The following PTER variants were observed in gnomAD, a reference collection of about 807,000 sequenced individuals.
PTER encodes phosphotriesterase related, also known as N-acetyltaurine hydrolase.
Under a neutral mutation model 29.6 loss-of-function variants are expected in PTER, and 38 were observed. That is an observed-to-expected ratio of 1.28 (90% CI 0.99 to 1.68). The LOEUF is 1.68. PTER is among the 40% of genes most tolerant of loss of function. The probability of loss-of-function intolerance (pLI) is 0.00; values close to 1 mark genes in which losing one functional copy is unlikely to be tolerated. For missense variants in PTER, 482 were observed against 427.8 expected, an observed-to-expected ratio of 1.13 and a Z score of -1.12; for synonymous variants, 172 against 154.5, an observed-to-expected ratio of 1.11 and a Z score of -0.84.
chr10:16,480,954 G>C (rs1835459388), intron 1 of PTER, among the ~76,000 whole-genome samples: 2 of 152,346 alleles, frequency 1.3e-5, no homozygotes, highest in Admixed American at 1.3e-4. Flanking sequence ...GCTTTCAGCT[G>C]TGCTGGAGGA....
chr10:16,477,835 AAAGT>A (rs1422274130), intron 1 of PTER, among the ~76,000 whole-genome samples: 3 of 152,194 alleles, frequency 2.0e-5, no homozygotes, highest in Non-Finnish European at 4.4e-5. Flanking sequence ...CCAGGACTTA[AAAGT>A]AATACAAATT....
intron 1 of PTER, among the ~76,000 whole-genome samples, chr10:16,479,266 T>C (rs1835391023): frequency 6.6e-6 from 1 of 152,178 alleles, no homozygotes; most frequent in Non-Finnish European, 1.5e-5. Flanking sequence ...TCAGGCATGG[T>C]TACTGATTCT....
chr10:16,459,518 A>T (rs972802336), intron 1 of PTER, among the ~76,000 whole-genome samples: 7 of 151,776 alleles, frequency 4.6e-5, no homozygotes, highest in East Asian at 1.9e-4. Flanking sequence ...GATTATTTTT[A>T]AAAAACTAGG....
At chr10:16,506,659 C>T (rs1836580225) in intron 4 of PTER, among the ~76,000 whole-genome samples, 1 of 151,894 alleles carries the variant, frequency 6.6e-6, no homozygotes. Flanking sequence ...CATGACACAG[C>T]GATGGGGTGA....
At chr10:16,498,667 C>T (rs1004361780) in intron 3 of PTER, among the ~76,000 whole-genome samples, 1 of 152,188 alleles carries the variant, frequency 6.6e-6, no homozygotes, top group Non-Finnish European at 1.5e-5. Context: ...TTAGCACCTC[C>T]ACTCTTCTAA....
intron 1 of PTER, among the ~76,000 whole-genome samples, chr10:16,480,901 A>G (rs1326809146): frequency 6.6e-6 from 1 of 152,240 alleles, no homozygotes; most frequent in Non-Finnish European, 1.5e-5. Flanking sequence ...CATATTTTAA[A>G]CATGCGTATT....
chr10:16,477,196 G>T (rs1835300825), intron 1 of PTER, among the ~76,000 whole-genome samples: 1 of 152,098 alleles, frequency 6.6e-6, no homozygotes, highest in African/African-American at 2.4e-5. Flanking sequence ...GTGCCACCAT[G>T]CTGGGCCTAG....
chr10:16,442,911 G>C (rs1436727263), intron 1 of PTER, among the ~76,000 whole-genome samples: 1 of 152,142 alleles, frequency 6.6e-6, no homozygotes, highest in Non-Finnish European at 1.5e-5. Context: ...GGCGAAGGTT[G>C]CAGTGAGCCA....
intron 1 of PTER, among the ~76,000 whole-genome samples, chr10:16,463,146 T>C (rs1834682353): frequency 6.7e-6 from 1 of 148,984 alleles, no homozygotes; most frequent in Non-Finnish European, 1.5e-5. Context: ...TGAGCCAAGA[T>C]TGTTCCACTG....
intron 1 of PTER, among the ~76,000 whole-genome samples, chr10:16,459,723 GTTATTTAT>G (rs749526667): frequency 0.016 from 2,412 of 150,978 alleles, 73 homozygotes; most frequent in African/African-American, 0.055. Flanking sequence ...ATATTTCAGA[GTTATTTAT>G]TTATTTATTT....
At chr10:16,479,891 C>T (rs1322072268) in intron 1 of PTER, among the ~76,000 whole-genome samples, 1 of 151,732 alleles carries the variant, frequency 6.6e-6, no homozygotes, top group Admixed American at 6.6e-5. Flanking sequence ...GCAAAAAACC[C>T]TGAGATGCCT....
chr10:16,503,140 C>G (rs1836428466), intron 3 of PTER, among the ~76,000 whole-genome samples: 1 of 127,628 alleles, frequency 7.8e-6, no homozygotes, highest in Non-Finnish European at 1.6e-5. Context: ...AGGCTGGTCT[C>G]AAACTCCTAG....
chr10:16,483,938 G>A (rs1835580327), intron 1 of PTER, among the ~76,000 whole-genome samples: 1 of 152,122 alleles, frequency 6.6e-6, no homozygotes, highest in African/African-American at 2.4e-5. Context: ...CTGATACATG[G>A]TTAGTTTGGA....
chr10:16,496,219 G>A (rs903467617), intron 3 of PTER, among the ~76,000 whole-genome samples: 3 of 152,162 alleles, frequency 2.0e-5, no homozygotes, highest in Non-Finnish European at 4.4e-5. Flanking sequence ...TTTGGTCCCA[G>A]ATCTAGCCTC....
At chr10:16,462,195 AG>A (rs1834638382) in intron 1 of PTER, among the ~76,000 whole-genome samples, 1 of 152,158 alleles carries the variant, frequency 6.6e-6, no homozygotes, top group Non-Finnish European at 1.5e-5. Context: ...CATGAAGGCC[AG>A]GCTGGTCCTG....
intron 3 of PTER, among the ~76,000 whole-genome samples, chr10:16,487,995 C>A (rs570367967): frequency 3.3e-5 from 5 of 152,200 alleles, no homozygotes; most frequent in South Asian, 2.1e-4. Flanking sequence ...AAAAAAAATT[C>A]TTTTACTTAA....
chr10:16,516,029 G>C (rs540223729), downstream of PTER, among the ~76,000 whole-genome samples: 2 of 152,052 alleles, frequency 1.3e-5, no homozygotes, highest in African/African-American at 4.8e-5. Context: ...ATAGTCTCAC[G>C]TTAATGCTGA....
chr10:16,468,974 C>T (rs970320084), intron 1 of PTER, among the ~76,000 whole-genome samples: 1 of 146,890 alleles, frequency 6.8e-6, no homozygotes, highest in Admixed American at 6.8e-5. Context: ...GACCCTGTCT[C>T]TTAAAAAAAA....
At chr10:16,445,272 C>T (rs914551201) in intron 1 of PTER, among the ~76,000 whole-genome samples, 1 of 152,158 alleles carries the variant, frequency 6.6e-6, no homozygotes, top group Non-Finnish European at 1.5e-5. Context: ...TGAGGCTGAG[C>T]GTGGTGGCTC....
Sources: allele counts gnomAD v4.1 joint callset (sites outside exome capture counted in the v4.1 genomes callset), GRCh38; gene constraint gnomAD v4.1.1; transcripts MANE v1.5; gene names NCBI Gene and HGNC (gene_info 2026-07-23, HGNC 2026-07-21).